Variants in ROBO1 observed in about 807,000 individuals in gnomAD.
The protein encoded by ROBO1 is roundabout guidance receptor 1.
In ROBO1, 149 loss-of-function variants were observed where a neutral mutation model predicts 195.9. That is an observed-to-expected ratio of 0.76 (90% CI 0.67 to 0.87). The LOEUF (loss-of-function observed/expected upper bound fraction) is 0.87. ROBO1 is among the 40% of genes least tolerant of loss of function. ROBO1 has a pLI of 0.00. For synonymous variants in ROBO1, 816 were observed against 733.2 expected (o/e 1.11, Z -1.82); for missense variants, 1,933 against 2,068.3 (o/e 0.93, Z 1.27).
intron 4 of ROBO1, among the ~76,000 whole-genome samples, chr3:78,837,692 A>G (rs750963247): frequency 3.9e-5 from 6 of 152,136 alleles, no homozygotes; most frequent in African/African-American, 9.7e-5. Context: ...CTAAATAATG[A>G]AAATGTTTCC....
chr3:79,640,763 T>C (rs1400038359), intron 1 of ROBO1, among the ~76,000 whole-genome samples: 2 of 152,200 alleles, frequency 1.3e-5, no homozygotes, highest in African/African-American at 4.8e-5. Context: ...ATTTTAATCA[T>C]GTTGAATTTG....
At chr3:79,067,579 C>A (rs923837716) in intron 3 of ROBO1, among the ~76,000 whole-genome samples, 7 of 151,848 alleles carry the variant, frequency 4.6e-5, no homozygotes, top group African/African-American at 1.7e-4. Context: ...CCAGATTATA[C>A]CACATAGATC....
chr3:79,604,871 G>A (rs971884871), intron 1 of ROBO1, among the ~76,000 whole-genome samples: 3 of 151,776 alleles, frequency 2.0e-5, no homozygotes, highest in South Asian at 2.1e-4. Flanking sequence ...CCAGTATTAC[G>A]CAATGTTCTG....
intron 4 of ROBO1, among the ~76,000 whole-genome samples, chr3:78,910,990 A>G (rs879169225): frequency 6.6e-6 from 1 of 151,982 alleles, no homozygotes; most frequent in Non-Finnish European, 1.5e-5. Context: ...AAACATCTAG[A>G]TGATTCTGAA....
At chr3:78,800,720 C>G (rs764180026) in intron 4 of ROBO1, among the ~76,000 whole-genome samples, 1 of 152,024 alleles carries the variant, frequency 6.6e-6, no homozygotes, top group African/African-American at 2.4e-5. Flanking sequence ...CCATGCCCAG[C>G]TAATTTTTTT....
In ROBO1 at chr3:79,680,158, G is replaced by A. The variant is rs114474253; in HGVS notation, c.-51+87594C>T. On this transcript the variant is annotated intron_variant, in intron 1 of 30. Transcript: ENST00000464233. ...TACCTCTCTCCAAATAACAAGGAAA[G>A]AGATATCTGAGTATCTCCACTGTCA... 4.2e-3 allele frequency among the ~76,000 whole-genome samples: 632 copies of A among 152,120 alleles called. 8 individuals are homozygous for A. Among genetic ancestry groups the A allele is most frequent in the African/African-American group, 0.015 (607 of 41,544 alleles).
intron 3 of ROBO1, among the ~76,000 whole-genome samples, chr3:78,967,022 C>T (rs1473990162): frequency 6.6e-6 from 1 of 152,136 alleles, no homozygotes; most frequent in Admixed American, 6.5e-5. Flanking sequence ...GTTACAACAG[C>T]CAAATGTAAC....
At chr3:79,707,724 G>C (rs753724493) in intron 1 of ROBO1, among the ~76,000 whole-genome samples, 4 of 152,214 alleles carry the variant, frequency 2.6e-5, no homozygotes, top group Admixed American at 6.5e-5. Context: ...TAGCCAGGAT[G>C]GTCTCGATCT....
At chr3:79,076,969 T>C (rs2079184759) in intron 3 of ROBO1, among the ~76,000 whole-genome samples, 1 of 151,916 alleles carries the variant, frequency 6.6e-6, no homozygotes, top group Non-Finnish European at 1.5e-5. Flanking sequence ...TTTTGTTCGT[T>C]TTATTTCTTG....
At chr3:79,436,058 C>A (rs934505517) in intron 2 of ROBO1, among the ~76,000 whole-genome samples, 5 of 151,998 alleles carry the variant, frequency 3.3e-5, no homozygotes, top group African/African-American at 1.2e-4. Context: ...GCTCTATATG[C>A]CAGGAAAACA....
chr3:79,326,450 A>G (rs115129532), intron 2 of ROBO1, among the ~76,000 whole-genome samples: 1,874 of 152,264 alleles, frequency 0.012, 18 homozygotes, highest in Middle Eastern at 0.034. Flanking sequence ...TTATTTCTCA[A>G]ACAGGCCGAT....
intron 2 of ROBO1, among the ~76,000 whole-genome samples, chr3:79,377,203 C>T (rs1452575278): frequency 2.6e-5 from 4 of 152,072 alleles, no homozygotes; most frequent in African/African-American, 7.2e-5. Context: ...AAAAGACACA[C>T]AATTCTTTCA....
At chr3:79,550,351 T>C (rs1351694941) in intron 2 of ROBO1, among the ~76,000 whole-genome samples, 2 of 152,070 alleles carry the variant, frequency 1.3e-5, no homozygotes, top group Non-Finnish European at 2.9e-5. Context: ...CAATCTAACT[T>C]CACTGAAAGG....
chr3:79,269,771 G>A (rs1427353304), intron 2 of ROBO1, among the ~76,000 whole-genome samples: 3 of 151,664 alleles, frequency 2.0e-5, no homozygotes, highest in African/African-American at 4.8e-5. Flanking sequence ...CTGCAGATGT[G>A]TTTACTCTGG....
At chr3:78,859,021 T>C (rs1383407) in intron 4 of ROBO1, among the ~76,000 whole-genome samples, 50,738 of 151,922 alleles carry the variant, frequency 0.33, 10,387 homozygotes, top group South Asian at 0.53. Flanking sequence ...AATCACTCAT[T>C]AATTCCACAA....
chr3:79,198,297 C>A (rs575482630), intron 2 of ROBO1, among the ~76,000 whole-genome samples: 2 of 152,062 alleles, frequency 1.3e-5, no homozygotes, highest in African/African-American at 4.8e-5. Flanking sequence ...AATAGGGAAT[C>A]CTTTCTCCAT....
intron 10 of ROBO1, among the ~76,000 whole-genome samples, chr3:78,683,424 TA>T (rs2080978179): frequency 6.6e-6 from 1 of 152,072 alleles, no homozygotes; most frequent in South Asian, 2.1e-4. Flanking sequence ...AAGTTTATTT[TA>T]AAATTTGTAA....
At chr3:78,818,660 CA>C (rs2030454752) in intron 4 of ROBO1, among the ~76,000 whole-genome samples, 1 of 152,210 alleles carries the variant, frequency 6.6e-6, no homozygotes, top group African/African-American at 2.4e-5. Context: ...TGCCTCAAGC[CA>C]AAAGTGCTTC....
Position 78,958,819 on chromosome 3 carries a change from C to T in ROBO1, c.173-19892G>A, listed in dbSNP as rs1472551785. On this transcript the variant is annotated intron_variant, in intron 3 of 30. Coordinates refer to ENST00000464233, the MANE Select transcript of ROBO1 (RefSeq NM_002941.4). ...GGATGCTTGGTCACCCTTTCTTCTT[C>T]TTTTTTTTTTTTTTTTTTTCCTTGA... Among the ~76,000 whole-genome samples, 23 of 130,604 alleles carry T rather than the reference C, an allele frequency of 1.8e-4. 1 individual carries two copies. In the South Asian group the frequency reaches 4.7e-3, roughly 27 times the overall value. 85.7% of individuals were successfully genotyped at this position (130,604 alleles called of 152,430 possible). A position where few individuals can be genotyped will look rare whatever the true frequency, so the allele number is the denominator to read the frequency against.
Sources: allele counts gnomAD v4.1 joint callset (sites outside exome capture counted in the v4.1 genomes callset), GRCh38; gene constraint gnomAD v4.1.1; transcripts MANE v1.5; gene names NCBI Gene and HGNC (gene_info 2026-07-23, HGNC 2026-07-21).